Variants in AGAP3 observed in about 807,000 individuals in gnomAD.
AGAP3 encodes ArfGAP with GTPase domain, ankyrin repeat and PH domain 3, also known as arf-GAP with GTPase, ANK repeat and PH domain-containing protein 3.
A neutral mutation model predicts 96.9 loss-of-function variants in AGAP3; 24 were observed. That is an observed-to-expected ratio of 0.25 (90% confidence interval 0.18 to 0.35). The LOEUF (loss-of-function observed/expected upper bound fraction) is 0.35. Among genes scored for constraint, AGAP3 ranks in the 10% least tolerant of loss-of-function variants. The pLI, the probability that AGAP3 is intolerant of heterozygous loss-of-function variation, is 1.00. For missense variants in AGAP3, 876 were observed against 1,254.2 expected (o/e 0.70, Z 4.55); for synonymous variants, 563 against 536.1 (o/e 1.05, Z -0.69).
At position 151,130,088 on chromosome 7, in the gene AGAP3, G is replaced by A. The variant is rs60646676; in HGVS notation, c.1326+1404G>A. Among the ~76,000 whole-genome samples, 653 of 152,318 alleles carry A rather than the reference G, an allele frequency of 4.3e-3. 6 individuals are homozygous for A. The highest frequency in any genetic ancestry group is 0.015 in the African/African-American group (625 of 41,566). On this transcript the variant is annotated intron_variant, in intron 10 of 17. Transcript: ENST00000397238. ...ATGTCCAGCTGCCCACCTCGGTGGCGGAGCTTGGGAATGGGCCTGTTTGAA... is the reference window on the plus strand; with the variant it reads ...ATGTCCAGCTGCCCACCTCGGTGGCAGAGCTTGGGAATGGGCCTGTTTGAA...
chr7:151,105,601 A>G (rs1352214377), intron 1 of AGAP3, among the ~76,000 whole-genome samples: 1 of 151,624 alleles, frequency 6.6e-6, no homozygotes, highest in Admixed American at 6.6e-5. Context: ...ACAAAAAAAA[A>G]AAAAAGAAAA....
intron 1 of AGAP3, among the ~76,000 whole-genome samples, chr7:151,099,432 TG>T (rs11322957): frequency 0.77 from 117,131 of 151,960 alleles, 45,219 homozygotes; most frequent in East Asian, 0.98. Flanking sequence ...CTGTGGTGAT[TG>T]ACAGCAGACA....
chr7:151,116,258 T>C (rs1464291066), intron 1 of AGAP3: 1 of 153,644 alleles, frequency 6.5e-6, no homozygotes, highest in Admixed American at 6.5e-5. Flanking sequence ...GATGGCTCCC[T>C]ATCCACCTGC....
In AGAP3 at chr7:151,143,315, A is replaced by G. The variant is rs200915971; in HGVS notation, c.2274-26A>G. The stretch of plus-strand genomic sequence containing the variant: ...GTTGCTCGGTGACCTTCCTTGGCTC[A>G]TGCCCTGATGGGCCTGTGGTTGCAG... On this transcript the variant is annotated intron_variant, in intron 16 of 17. Transcript: ENST00000397238. The surrounding 1 kb of genome is among the most constrained non-coding windows in gnomAD (Gnocchi z 5.9). 1.3e-5 allele frequency: 20 copies of G among 1,592,554 alleles called. No individual in the cohort carries two copies. The highest frequency in any genetic ancestry group is 1.7e-5 in the Non-Finnish European group (20 of 1,167,170).
At position 151,096,493 on chromosome 7, in the gene AGAP3, G is replaced by A. The variant is rs1178216403; in HGVS notation, c.331+9421G>A. 3.3e-5 allele frequency among the ~76,000 whole-genome samples: 5 copies of A among 150,186 alleles called. No individual in the cohort carries two copies. Among genetic ancestry groups the A allele is most frequent in the Non-Finnish European group, 5.9e-5 (4 of 67,624 alleles). On this transcript the variant is annotated intron_variant, in intron 1 of 17. Coordinates refer to ENST00000397238, the MANE Select transcript of AGAP3 (RefSeq NM_031946.7). The surrounding 1 kb of genome is among the most constrained non-coding windows in gnomAD (Gnocchi z 4.4). ...TTTTCTTTTCTTTTTTTTTTTTTGA[G>A]GTGGAGTCTCGCTCTGTCGCCCAGG...
At chr7:151,117,528 TGGGAGA>T in intron 4 of AGAP3, 72 bp downstream of exon 4, 1 of 1,612,826 alleles carries the variant, frequency 6.2e-7, no homozygotes, top group South Asian at 1.1e-5. Flanking sequence ...TGGTTGGGAC[TGGGAGA>T]GGTGGTATGT....
chr7:151,132,697 G>A (rs895192929), intron 10 of AGAP3, among the ~76,000 whole-genome samples: 13 of 152,346 alleles, frequency 8.5e-5, no homozygotes, highest in East Asian at 1.9e-4. Context: ...TGTGGGTGAC[G>A]TCCAGCCCAG....
Position 151,096,893 on chromosome 7 carries a change from C to T in AGAP3, c.331+9821C>T, listed in dbSNP as rs966265951. Among the ~76,000 whole-genome samples the T allele has an allele frequency of 1.3e-5, 2 of 152,154 alleles. No individual in the cohort carries two copies. Among genetic ancestry groups the T allele is most frequent in the African/African-American group, 4.8e-5 (2 of 41,450 alleles). On this transcript the variant is annotated intron_variant, in intron 1 of 17. Transcript: ENST00000397238. The surrounding 1 kb of genome is among the most constrained non-coding windows in gnomAD (Gnocchi z 4.4). The stretch of plus-strand genomic sequence containing the variant: ...TCCCGAGTTCAAGCAATTCTCGTGC[C>T]TCAGCCTCCCAAGGCACATGCCTTG...
At chr7:151,120,408 T>A in intron 8 of AGAP3, 1 of 673,952 alleles carries the variant, frequency 1.5e-6, no homozygotes, top group Non-Finnish European at 2.7e-6. Context: ...CCGCACACAC[T>A]CACCCTCCCC....
At chr7:151,120,700 C>T (rs560197718) in intron 8 of AGAP3, 1 of 1,236,866 alleles carries the variant, frequency 8.1e-7, no homozygotes, top group Non-Finnish European at 1.0e-6. Flanking sequence ...AAGGCTTAGC[C>T]ATCTTTTCCT....
chr7:151,115,304 G>T (rs1799508321), intron 1 of AGAP3: 33 of 1,005,782 alleles, frequency 3.3e-5, no homozygotes, highest in Non-Finnish European at 3.9e-5. Flanking sequence ...GGCCGGAGGG[G>T]CCCCGGCGCG....
At chr7:151,134,717 C>T in intron 11 of AGAP3, 149 bp downstream of exon 11, 2 of 827,474 alleles carry the variant, frequency 2.4e-6, no homozygotes, top group South Asian at 1.8e-5. Context: ...GACATGTGCC[C>T]TAACGCAGCC....
At chr7:151,122,865 C>T in intron 8 of AGAP3, 1 of 1,591,704 alleles carries the variant, frequency 6.3e-7, no homozygotes, top group Non-Finnish European at 8.5e-7. Context: ...CCTGGGACTG[C>T]TCTCAGATGA....
At position 151,128,719 on chromosome 7, in the gene AGAP3, T is replaced by C. The variant is rs75750968; in HGVS notation, c.1326+35T>C. 4.7e-6 allele frequency: 7 copies of C among 1,489,156 alleles called. No homozygotes were observed. In the African/African-American group the frequency reaches 9.8e-5, roughly 21 times the overall value. The allele number at this position is 1,489,156 out of a possible 1,614,324, so 92.2% of individuals were successfully genotyped here. On this transcript the variant is annotated intron_variant, in intron 10 of 17. Coordinates refer to ENST00000397238, the MANE Select transcript of AGAP3 (RefSeq NM_031946.7). ...GGAGGAGGAGCCTCCTGGGGGAGTA[T>C]GGGGAGGGGGTGGAGGGAGGATAAC...
At chr7:151,104,585 C>T (rs55679491) in intron 1 of AGAP3, among the ~76,000 whole-genome samples, 3,021 of 152,292 alleles carry the variant, frequency 0.02, 110 homozygotes, top group African/African-American at 0.065. Context: ...TAATCAGGGG[C>T]GTGCCCATCA....
rs958397324 is a variant in AGAP3, at chr7:151,123,432, G to A, written c.1129-362G>A. 2.7e-6 allele frequency: 3 copies of A among 1,123,936 alleles called. No homozygotes were observed. The African/African-American group carries it at 4.9e-5, about 18-fold the overall frequency. 69.6% of individuals were successfully genotyped at this position (1,123,936 alleles called of 1,614,324 possible). A position where few individuals can be genotyped will look rare whatever the true frequency, so the allele number is the denominator to read the frequency against. On this transcript the variant is annotated intron_variant, in intron 8 of 17. Transcript: ENST00000397238. Reference sequence around the variant, plus strand: ...ATCTGCCCGCTCACTTGTGGACTTTGCGCTCCCGGTTGTCGCGCCCTGTGC... The same window carrying A: ...ATCTGCCCGCTCACTTGTGGACTTTACGCTCCCGGTTGTCGCGCCCTGTGC...
At chr7:151,125,164 C>T (rs1185798264) in intron 9 of AGAP3, among the ~76,000 whole-genome samples, 3 of 152,220 alleles carry the variant, frequency 2.0e-5, no homozygotes, top group African/African-American at 2.4e-5. Flanking sequence ...GGCGTAGGCT[C>T]CTCAGCTCCC....
Position 151,118,670 on chromosome 7 carries a change from C to A in AGAP3, c.969+38C>A, listed in dbSNP as rs547546154. The A allele has an allele frequency of 1.2e-5, 20 of 1,601,754 alleles. No individual in the cohort carries two copies. Among genetic ancestry groups the A allele is most frequent in the Non-Finnish European group, 1.6e-5 (19 of 1,175,788 alleles). ...CCCCGCCCTGCCCTTCCTGTCCCCACCATGTCTGTCTTGCCTCTGTGCGTC... is the reference window on the plus strand; with the variant it reads ...CCCCGCCCTGCCCTTCCTGTCCCCAACATGTCTGTCTTGCCTCTGTGCGTC... On this transcript the variant is annotated intron_variant, in intron 7 of 17. Coordinates refer to ENST00000397238, the MANE Select transcript of AGAP3 (RefSeq NM_031946.7). The surrounding 1 kb of genome is among the most constrained non-coding windows in gnomAD (Gnocchi z 6.1).
intron 1 of AGAP3, among the ~76,000 whole-genome samples, chr7:151,113,563 T>C (rs758429958): frequency 1.3e-5 from 2 of 152,146 alleles, no homozygotes; most frequent in African/African-American, 4.8e-5. Context: ...ACGCTGGGAG[T>C]TGGGCTGGAC....
Sources: allele counts gnomAD v4.1 joint callset (sites outside exome capture counted in the v4.1 genomes callset), GRCh38; gene constraint gnomAD v4.1.1; non-coding constraint Gnocchi (gnomAD v3.1); transcripts MANE v1.5; gene names NCBI Gene and HGNC (gene_info 2026-07-23, HGNC 2026-07-21).